The following DSCAM variants were observed in gnomAD, a reference collection of about 807,000 sequenced individuals.
DSCAM encodes DS cell adhesion molecule, also known as cell adhesion molecule DSCAM.
A neutral mutation model predicts 217.7 loss-of-function variants in DSCAM; 47 were observed. That is an observed-to-expected ratio of 0.22 (90% CI 0.17 to 0.28). DSCAM has a LOEUF of 0.28. Among genes scored for constraint, DSCAM ranks in the 10% least tolerant of loss-of-function variants. The pLI is 1.00. For missense variants in DSCAM, 2,080 were observed against 2,618.3 expected (o/e 0.79, Z 4.49); for synonymous variants, 1,056 against 1,015.3 (o/e 1.04, Z -0.76).
intron 32 of DSCAM, among the ~76,000 whole-genome samples, chr21:40,028,890 C>T (rs2146442243): frequency 6.6e-6 from 1 of 152,218 alleles, no homozygotes; most frequent in Non-Finnish European, 1.5e-5. Context: ...GACATCTCTT[C>T]AACAGATAAA....
intron 1 of DSCAM, among the ~76,000 whole-genome samples, chr21:40,734,207 T>C (rs2091040486): frequency 6.6e-6 from 1 of 151,550 alleles, no homozygotes; most frequent in Admixed American, 6.6e-5. Context: ...ACACTGAGAG[T>C]CTCCAATCCA....
intron 11 of DSCAM, among the ~76,000 whole-genome samples, chr21:40,224,121 A>G (rs1448240883): frequency 6.6e-6 from 1 of 152,226 alleles, no homozygotes; most frequent in Non-Finnish European, 1.5e-5. Flanking sequence ...GGATTTTTTA[A>G]CTGAAAAAGA....
chr21:40,482,362 G>A (rs937287940), intron 3 of DSCAM, among the ~76,000 whole-genome samples: 1 of 152,150 alleles, frequency 6.6e-6, no homozygotes, highest in Non-Finnish European at 1.5e-5. Context: ...CACGTGCCTA[G>A]CACCCAAAAT....
chr21:40,411,015 T>C (rs942348456), intron 3 of DSCAM, among the ~76,000 whole-genome samples: 1 of 152,160 alleles, frequency 6.6e-6, no homozygotes, highest in African/African-American at 2.4e-5. Context: ...ATTTAAAAGA[T>C]AATTAACCAT....
chr21:40,246,359 A>G (rs910530065), intron 11 of DSCAM, among the ~76,000 whole-genome samples: 1 of 123,032 alleles, frequency 8.1e-6, no homozygotes, highest in African/African-American at 3.7e-5. Context: ...CGTACTAAAA[A>G]AAAAAAAAAA....
intron 1 of DSCAM, among the ~76,000 whole-genome samples, chr21:40,723,702 C>A (rs1297360467): frequency 6.6e-6 from 1 of 151,966 alleles, no homozygotes; most frequent in Non-Finnish European, 1.5e-5. Flanking sequence ...TAAGAAGTAA[C>A]AATCTGTATT....
chr21:40,577,168 A>G (rs530361476), intron 3 of DSCAM, among the ~76,000 whole-genome samples: 3 of 151,518 alleles, frequency 2.0e-5, no homozygotes, highest in African/African-American at 7.3e-5. Flanking sequence ...TTATTTATGT[A>G]TTATATATTC....
rs201772372 is a variant in DSCAM, at chr21:40,343,838, T to G, written c.1210+3832A>C. 1.7e-4 allele frequency among the ~76,000 whole-genome samples: 23 copies of G among 134,218 alleles called. No homozygotes were observed. In the Admixed American group the frequency reaches 1.8e-3, roughly 10 times the overall value. 88.1% of individuals were successfully genotyped at this position (134,218 alleles called of 152,430 possible). A position where few individuals can be genotyped will look rare whatever the true frequency, so the allele number is the denominator to read the frequency against. On this transcript the variant is annotated intron_variant, in intron 6 of 32. Coordinates refer to ENST00000400454, the MANE Select transcript of DSCAM (RefSeq NM_001389.5). ...GTTATTTTATTTTACTTTATTTTAT[T>G]TATTATTATTTTATTTCATTTTATT...
At chr21:40,824,267 T>C (rs190064081) in intron 1 of DSCAM, among the ~76,000 whole-genome samples, 3 of 152,282 alleles carry the variant, frequency 2.0e-5, no homozygotes, top group Non-Finnish European at 2.9e-5. Flanking sequence ...ATGTCTCTTA[T>C]GTGCGGCAAC....
intron 1 of DSCAM, among the ~76,000 whole-genome samples, chr21:40,743,610 T>G (rs2091146605): frequency 6.6e-6 from 1 of 152,132 alleles, no homozygotes; most frequent in African/African-American, 2.4e-5. Context: ...CAAATGTATA[T>G]TTTAAAAAAT....
intron 3 of DSCAM, among the ~76,000 whole-genome samples, chr21:40,498,016 T>C (rs977411032): frequency 6.6e-6 from 1 of 152,224 alleles, no homozygotes; most frequent in Non-Finnish European, 1.5e-5. Context: ...GGTTGCATAG[T>C]AAAGTGTTAA....
intron 11 of DSCAM, among the ~76,000 whole-genome samples, chr21:40,202,516 C>T (rs1032391828): frequency 1.3e-5 from 2 of 152,156 alleles, no homozygotes; most frequent in Non-Finnish European, 2.9e-5. Context: ...ACAAGTCCTT[C>T]GGCCTCTCTG....
At chr21:40,051,676 T>C (rs1015225153) in intron 30 of DSCAM, among the ~76,000 whole-genome samples, 5 of 152,184 alleles carry the variant, frequency 3.3e-5, no homozygotes, top group African/African-American at 4.8e-5. Context: ...GTAGATTACT[T>C]TTTTCCTTTT....
chr21:40,370,784 C>T (rs1429161292), intron 3 of DSCAM, among the ~76,000 whole-genome samples: 2 of 151,968 alleles, frequency 1.3e-5, no homozygotes, highest in African/African-American at 4.8e-5. Context: ...TCACACCTGG[C>T]TAATTTTTGT....
At chr21:40,308,871 A>G (rs1387143322) in intron 9 of DSCAM, among the ~76,000 whole-genome samples, 1 of 152,132 alleles carries the variant, frequency 6.6e-6, no homozygotes, top group Non-Finnish European at 1.5e-5. Context: ...CCCCTTCCCT[A>G]TAATTTTCAA....
At chr21:40,502,602 C>G (rs1226439825) in intron 3 of DSCAM, among the ~76,000 whole-genome samples, 1 of 152,168 alleles carries the variant, frequency 6.6e-6, no homozygotes, top group African/African-American at 2.4e-5. Context: ...TCTTCAAAGC[C>G]AGCAATGGCC....
intron 6 of DSCAM, among the ~76,000 whole-genome samples, chr21:40,345,322 A>G (rs1418969098): frequency 6.6e-6 from 1 of 152,002 alleles, no homozygotes; most frequent in Non-Finnish European, 1.5e-5. Context: ...GCACATTTGT[A>G]TTCTCACTCC....
chr21:40,697,339 T>G (rs984926398), intron 2 of DSCAM, among the ~76,000 whole-genome samples: 7 of 152,218 alleles, frequency 4.6e-5, no homozygotes, highest in Non-Finnish European at 8.8e-5. Flanking sequence ...TTCTGCTTGA[T>G]GTAATCCTAT....
chr21:40,327,676 T>C (rs1397024588), intron 8 of DSCAM, among the ~76,000 whole-genome samples: 1 of 152,110 alleles, frequency 6.6e-6, no homozygotes, highest in Non-Finnish European at 1.5e-5. Flanking sequence ...ATGTTAGCTG[T>C]AGGTTTGTCA....
Sources: gnomAD v4.1 joint callset for allele counts (sites outside exome capture counted in the v4.1 genomes callset) on GRCh38, gnomAD v4.1.1 for gene constraint, MANE v1.5 for transcripts, NCBI Gene and HGNC (gene_info 2026-07-23, HGNC 2026-07-21) for gene names.